PTPRG: variants seen among roughly 807,000 people sequenced by gnomAD.
PTPRG encodes the protein receptor-type tyrosine-protein phosphatase gamma.
Under a neutral mutation model 165.3 loss-of-function variants are expected in PTPRG, and 102 were observed. The observed-to-expected ratio is 0.62, with a 90% confidence interval of 0.53 to 0.73. The LOEUF (loss-of-function observed/expected upper bound fraction) is 0.73, where lower values mean the gene tolerates loss of function less well. Ranked by LOEUF, PTPRG falls within the 30% of genes least tolerant of loss-of-function variation. PTPRG has a pLI of 0.00. For synonymous variants in PTPRG, 675 were observed against 669.5 expected (o/e 1.01, Z -0.13); for missense variants, 1,866 against 1,861.4 (o/e 1.00, Z -0.05).
At chr3:62,089,729 A>G (rs925109476) in intron 5 of PTPRG, among the ~76,000 whole-genome samples, 6 of 152,150 alleles carry the variant, frequency 3.9e-5, no homozygotes, top group African/African-American at 1.4e-4. Context: ...TTCTTGGCTC[A>G]TTGTGTTCTC....
chr3:61,649,090 C>T (rs1394559844), intron 1 of PTPRG, among the ~76,000 whole-genome samples: 2 of 152,000 alleles, frequency 1.3e-5, no homozygotes, highest in Non-Finnish European at 2.9e-5. Flanking sequence ...ACGAGTATGC[C>T]GGAGACTGGT....
intron 3 of PTPRG, among the ~76,000 whole-genome samples, chr3:62,003,122 A>G (rs928322687): frequency 6.6e-6 from 1 of 151,932 alleles, no homozygotes. Flanking sequence ...TTCTGAGATC[A>G]TTCTCTGGAA....
intron 2 of PTPRG, among the ~76,000 whole-genome samples, chr3:61,798,534 AT>A (rs913180004): frequency 1.7e-4 from 26 of 151,122 alleles, no homozygotes; most frequent in African/African-American, 6.3e-4. Flanking sequence ...AGGAATAAAA[AT>A]TTTTTCACAG....
intron 1 of PTPRG, among the ~76,000 whole-genome samples, chr3:61,606,109 A>T (rs1167105617): frequency 6.6e-6 from 1 of 152,246 alleles, no homozygotes; most frequent in African/African-American, 2.4e-5. Flanking sequence ...TCCATGGGTC[A>T]TGAGTCTGGG....
At chr3:61,830,363 T>C (rs1292260363) in intron 2 of PTPRG, among the ~76,000 whole-genome samples, 2 of 152,186 alleles carry the variant, frequency 1.3e-5, no homozygotes, top group South Asian at 2.1e-4. Flanking sequence ...TTTAATTTAG[T>C]TGTGTAATTA....
rs34396141 is a variant in PTPRG at position 61,638,591 on chromosome 3, GTTTTTTTTTTTT to G, written c.85+76235_85+76246del. The stretch of plus-strand genomic sequence containing the variant: ...AGGCACACACCACCATGCCTGGCTA[GTTTTTTTTTTTT>G]TTTTTTTTTTTTTTTGGGGTAGAGG... On this transcript the variant is annotated intron_variant, in intron 1 of 29. Coordinates refer to ENST00000474889, the MANE Select transcript of PTPRG (RefSeq NM_002841.4). Among the ~76,000 whole-genome samples the G allele has an allele frequency of 1.9e-4, 11 of 58,722 alleles. No homozygotes were observed. In the East Asian group the frequency reaches 3.0e-3, roughly 16 times the overall value. The allele number at this position is 58,722 out of a possible 152,430, so 38.5% of individuals were successfully genotyped here.
chr3:62,133,395 A>T (rs890761339), intron 6 of PTPRG, among the ~76,000 whole-genome samples: 4 of 152,234 alleles, frequency 2.6e-5, no homozygotes, highest in African/African-American at 9.6e-5. Flanking sequence ...CAGAAATAGC[A>T]TTAGTAACCA....
intron 5 of PTPRG, among the ~76,000 whole-genome samples, chr3:62,085,148 C>T (rs2106777550): frequency 6.6e-6 from 1 of 152,284 alleles, no homozygotes; most frequent in East Asian, 1.9e-4. Flanking sequence ...TCAATTATTG[C>T]TCAGGAAATA....
chr3:62,040,765 T>C (rs1700101786), intron 4 of PTPRG, among the ~76,000 whole-genome samples: 1 of 152,124 alleles, frequency 6.6e-6, no homozygotes, highest in Non-Finnish European at 1.5e-5. Flanking sequence ...AAGTGGAAAA[T>C]AGAGCACCGG....
chr3:61,964,201 G>A (rs2040217520), intron 2 of PTPRG, among the ~76,000 whole-genome samples: 1 of 152,154 alleles, frequency 6.6e-6, no homozygotes, highest in South Asian at 2.1e-4. Flanking sequence ...GGAAAGAGGG[G>A]ACAATTTTAC....
intron 2 of PTPRG, among the ~76,000 whole-genome samples, chr3:61,825,444 G>A (rs1195355653): frequency 1.3e-5 from 2 of 152,190 alleles, no homozygotes; most frequent in Non-Finnish European, 2.9e-5. Context: ...AGAGGGAAAA[G>A]TGGAAACATA....
chr3:61,905,179 A>G (rs1255333263), intron 2 of PTPRG, among the ~76,000 whole-genome samples: 2 of 152,086 alleles, frequency 1.3e-5, no homozygotes, highest in Non-Finnish European at 2.9e-5. Context: ...AGGTTATATT[A>G]CTCTCACACA....
chr3:61,601,031 G>A (rs1438665100), intron 1 of PTPRG, among the ~76,000 whole-genome samples: 1 of 152,200 alleles, frequency 6.6e-6, no homozygotes, highest in African/African-American at 2.4e-5. Flanking sequence ...GAGGCGGGCA[G>A]ATCACTTGAG....
chr3:62,191,382 A>G, intron 8 of PTPRG, 87 bp from the exon 9 acceptor site: 1 of 1,300,292 alleles, frequency 7.7e-7, no homozygotes. Flanking sequence ...TACTCTTTCA[A>G]CTTTTTGAGG....
chr3:62,042,569 A>G (rs769419544), intron 4 of PTPRG, among the ~76,000 whole-genome samples: 1 of 152,022 alleles, frequency 6.6e-6, no homozygotes, highest in Admixed American at 6.6e-5. Context: ...GCCACCCTGC[A>G]TGACCATTTG....
At chr3:61,706,493 T>TA in intron 1 of PTPRG, among the ~76,000 whole-genome samples, 1 of 111,824 alleles carries the variant, frequency 8.9e-6, no homozygotes, top group East Asian at 2.9e-4. Flanking sequence ...TGCAAGTAAT[T>TA]TTTTTTTTTT....
Position 62,281,602 on chromosome 3 carries a change from T to C in PTPRG, c.3805T>C (p.Ser1269Pro). 2 of 1,563,546 alleles carry C rather than the reference T, an allele frequency of 1.3e-6. No homozygotes were observed. The highest frequency in any genetic ancestry group is 1.7e-6 in the Non-Finnish European group (2 of 1,153,344). The part of the protein sequence containing the change: ...EFVYWPSREE[S>P]MNCEAFTVTL... ...TGTGTACTGGCCAAGTCGAGAAGAA[T>C]CCATGAACTGTGAGGCCTTTACCGT... The change falls in exon 27 of 30, where the codon TCC (serine) becomes CCC (proline). Residue 1269 changes from serine to proline, a missense_variant. By Grantham distance (74) the Ser-to-Pro change is moderately conservative. Coordinates refer to ENST00000474889, the MANE Select transcript of PTPRG (RefSeq NM_002841.4).
At chr3:61,816,406 C>T (rs1553674576) in intron 2 of PTPRG, among the ~76,000 whole-genome samples, 1 of 152,034 alleles carries the variant, frequency 6.6e-6, no homozygotes, top group Non-Finnish European at 1.5e-5. Context: ...GTGGTGGGGG[C>T]CCGTAATCCT....
chr3:61,701,640 G>A (rs2030966334), intron 1 of PTPRG, among the ~76,000 whole-genome samples: 1 of 152,200 alleles, frequency 6.6e-6, no homozygotes, highest in African/African-American at 2.4e-5. Context: ...GCTCACACCT[G>A]TGATCCCAGT....
Sources: allele counts gnomAD v4.1 joint callset (sites outside exome capture counted in the v4.1 genomes callset), GRCh38; gene constraint gnomAD v4.1.1; transcripts MANE v1.5; gene names NCBI Gene and HGNC (gene_info 2026-07-23, HGNC 2026-07-21).